Variants in TERF1 observed in about 807,000 individuals in gnomAD.
The protein encoded by TERF1 is telomeric repeat binding factor 1.
Under a neutral mutation model 55.1 loss-of-function variants are expected in TERF1, and 20 were observed. The ratio of observed to expected loss-of-function variants is 0.36; its 90% confidence interval spans 0.26 to 0.53. The LOEUF (loss-of-function observed/expected upper bound fraction) is 0.53, where lower values mean the gene tolerates loss of function less well. TERF1 is among the 20% of genes least tolerant of loss of function. TERF1 has a pLI of 0.91. For missense variants in TERF1, 439 were observed against 535.7 expected (o/e 0.82, Z 1.78); for synonymous variants, 168 against 181.2 (o/e 0.93, Z 0.59).
At chr8:73,044,387 G>GC in intron 9 of TERF1, among the ~76,000 whole-genome samples, 1 of 152,286 alleles carries the variant, frequency 6.6e-6, no homozygotes, top group East Asian at 1.9e-4. Context: ...ACAAACTTCT[G>GC]CATGGGTTTG....
rs533566895 is a variant in TERF1 at position 73,025,478 on chromosome 8, C to T, written c.774+507C>T. Among the ~76,000 whole-genome samples, 23 of 151,896 alleles carry T rather than the reference C, an allele frequency of 1.5e-4. No individual in the cohort carries two copies. In the South Asian group the frequency reaches 3.5e-3, roughly 23 times the overall value. ...ATACAAAAAAATTAGCTGGGCCGGGCGCGGTGGCTCACGCCTGTAATCCCA... is the reference window on the plus strand; with the variant it reads ...ATACAAAAAAATTAGCTGGGCCGGGTGCGGTGGCTCACGCCTGTAATCCCA... On this transcript the variant is annotated intron_variant, in intron 5 of 9. Coordinates refer to ENST00000276603, the MANE Select transcript of TERF1 (RefSeq NM_017489.3).
intron 1 of TERF1, chr8:73,011,200 T>G (rs921838923): frequency 2.0e-5 from 3 of 152,314 alleles, no homozygotes; most frequent in African/African-American, 7.2e-5. Flanking sequence ...TCTCTGGCTA[T>G]GAAAGTTCTC....
At chr8:73,038,358 G>A (rs954637303) in intron 8 of TERF1, among the ~76,000 whole-genome samples, 2 of 152,034 alleles carry the variant, frequency 1.3e-5, no homozygotes, top group South Asian at 4.2e-4. Flanking sequence ...GGAGGCTGAG[G>A]TGAGGGAGGA....
At chr8:73,038,931 C>T (rs1465499953) in intron 8 of TERF1, 185 bp from the exon 9 acceptor site, 2 of 523,342 alleles carry the variant, frequency 3.8e-6, no homozygotes, top group Non-Finnish European at 6.0e-6. Flanking sequence ...AACACTCCCC[C>T]TCTGATTTCA....
chr8:73,037,818 A>G (rs1352662725), intron 8 of TERF1, among the ~76,000 whole-genome samples: 1 of 104,356 alleles, frequency 9.6e-6, no homozygotes, highest in Non-Finnish European at 1.8e-5. Flanking sequence ...TATATTATAT[A>G]TAATATATAG....
chr8:73,016,655 T>G (rs918450238), intron 2 of TERF1, among the ~76,000 whole-genome samples: 2 of 152,076 alleles, frequency 1.3e-5, no homozygotes, highest in Non-Finnish European at 2.9e-5. Context: ...CTTGAACTCC[T>G]TGCCTTAAGT....
chr8:73,018,724 T>G (rs1808630921), intron 2 of TERF1, among the ~76,000 whole-genome samples: 1 of 152,194 alleles, frequency 6.6e-6, no homozygotes, highest in Admixed American at 6.5e-5. Flanking sequence ...TTTATTATGC[T>G]TATTTGTTGC....
intron 6 of TERF1, among the ~76,000 whole-genome samples, chr8:73,029,170 C>A (rs56169709): frequency 0.018 from 2,791 of 152,090 alleles, 32 homozygotes; most frequent in Middle Eastern, 0.099. Context: ...TCAGACAAAT[C>A]CTAGAAAAAT....
At chr8:73,038,711 T>G (rs1319555650) in intron 8 of TERF1, 4 of 926,804 alleles carry the variant, frequency 4.3e-6, no homozygotes, top group Non-Finnish European at 5.2e-6. Context: ...TTCAGTTACA[T>G]ATATTTGTCT....
At chr8:73,044,407 A>C (rs142960631) in intron 9 of TERF1, among the ~76,000 whole-genome samples, 1 of 152,192 alleles carries the variant, frequency 6.6e-6, no homozygotes, top group African/African-American at 2.4e-5. Flanking sequence ...GGTTACGGTC[A>C]CTGCCAACTT....
At chr8:73,015,245 A>G (rs1354489277) in intron 2 of TERF1, among the ~76,000 whole-genome samples, 2 of 151,916 alleles carry the variant, frequency 1.3e-5, no homozygotes, top group African/African-American at 2.4e-5. Flanking sequence ...TTTCACCATA[A>G]TGCACTAAAC....
Position 73,045,963 on chromosome 8 carries a change from A to G in TERF1, c.1146A>G (p.Ala382=). Residue 382 remains alanine (A), a splice_region_variant and synonymous_variant, in exon 10 of 10, where the codon GCA becomes GCG. Coordinates refer to ENST00000276603, the MANE Select transcript of TERF1 (RefSeq NM_017489.3). ...PEKHRARKRQ[A]WLWEEDKNLR... ...ACTGTTTTACTTTTTATCAAAAGGC[A>G]TGGCTTTGGGAAGAAGACAAGAATT... 1.3e-6 allele frequency: 2 copies of G among 1,551,184 alleles called. No homozygotes were observed.
chr8:73,037,853 TA>T (rs1809656322), intron 8 of TERF1, among the ~76,000 whole-genome samples: 1 of 110,294 alleles, frequency 9.1e-6, no homozygotes, highest in African/African-American at 3.7e-5. Context: ...TAATATATAA[TA>T]TATAAATATG....
chr8:73,015,687 A>AT (rs1379874978), intron 2 of TERF1, among the ~76,000 whole-genome samples: 2 of 151,852 alleles, frequency 1.3e-5, no homozygotes, highest in South Asian at 2.1e-4. Context: ...AATACAAAAA[A>AT]AAATAAAAAT....
At chr8:73,020,907 G>A in intron 3 of TERF1, 102 bp downstream of exon 3, 1 of 775,568 alleles carries the variant, frequency 1.3e-6, no homozygotes, top group Non-Finnish European at 2.0e-6. Flanking sequence ...AAAATTTAAT[G>A]TATTGTTTCT....
chr8:73,017,084 G>A (rs1808543347), intron 2 of TERF1, among the ~76,000 whole-genome samples: 1 of 152,110 alleles, frequency 6.6e-6, no homozygotes, highest in Non-Finnish European at 1.5e-5. Flanking sequence ...ATCCCACCTG[G>A]AAGTGAATGT....
At position 73,047,108 on chromosome 8, in the gene TERF1, T is replaced by C. The variant is rs1169760598; in HGVS notation, c.*971T>C. The C allele has an allele frequency of 6.6e-6, 1 of 152,168 alleles. No homozygotes were observed. Among genetic ancestry groups the C allele is most frequent in the Non-Finnish European group, 1.5e-5 (1 of 68,028 alleles). The allele number at this position is 152,168 out of a possible 1,614,324, so 9.4% of individuals were successfully genotyped here. A position where few individuals can be genotyped will look rare whatever the true frequency, so the allele number is the denominator to read the frequency against. On this transcript the variant is annotated 3_prime_UTR_variant, in exon 10 of 10. Coordinates refer to ENST00000276603, the MANE Select transcript of TERF1 (RefSeq NM_017489.3). The stretch of plus-strand genomic sequence containing the variant: ...ACTACCTGGGTGACAGGATCATACG[T>C]ACCCCAAACCTCAACATCACACAGT...
rs1415481921 is a variant in TERF1, at chr8:73,030,414, TTTC to T, written c.947+25_947+27del. 2 of 1,453,100 alleles carry T rather than the reference TTTC, an allele frequency of 1.4e-6. No individual in the cohort carries two copies. The highest frequency in any genetic ancestry group is 1.8e-6 in the Non-Finnish European group (2 of 1,100,166). 90.0% of individuals were successfully genotyped at this position (1,453,100 alleles called of 1,614,324 possible). A position where few individuals can be genotyped will look rare whatever the true frequency, so the allele number is the denominator to read the frequency against. On this transcript the variant is annotated intron_variant, in intron 7 of 9. Coordinates refer to ENST00000276603, the MANE Select transcript of TERF1 (RefSeq NM_017489.3). Reference sequence around the variant, plus strand: ...TATTGAGGTGAAGTAAATTGACGTTTTTCTTCTTTGTCTTTCAAATCTTTGATT... The same window carrying T: ...TATTGAGGTGAAGTAAATTGACGTTTTTCTTTGTCTTTCAAATCTTTGATT...
chr8:73,028,977 T>C (rs1459109995), intron 6 of TERF1, among the ~76,000 whole-genome samples: 1 of 152,168 alleles, frequency 6.6e-6, no homozygotes, highest in Non-Finnish European at 1.5e-5. Flanking sequence ...GAACTTGCTG[T>C]ACACTAGTTA....
Sources: gnomAD v4.1 joint callset for allele counts (sites outside exome capture counted in the v4.1 genomes callset) on GRCh38, gnomAD v4.1.1 for gene constraint, MANE v1.5 for transcripts, NCBI Gene and HGNC (gene_info 2026-07-23, HGNC 2026-07-21) for gene names.